Variants in STX16 observed in about 807,000 individuals in gnomAD.
The protein encoded by STX16 is syntaxin 16, also known as syntaxin-16.
STX16 carries 28 observed loss-of-function variants against 42.7 expected under a neutral mutation model. The observed-to-expected ratio is 0.66, with a 90% CI of 0.49 to 0.90. The LOEUF (loss-of-function observed/expected upper bound fraction) is 0.90, where lower values mean the gene tolerates loss of function less well. Ranked by LOEUF, STX16 falls within the 40% of genes least tolerant of loss-of-function variation. The pLI is 0.00. For missense variants in STX16, 361 were observed against 420.9 expected (o/e 0.86, Z 1.24); for synonymous variants, 156 against 155.2 (o/e 1.00, Z -0.04).
In STX16 at chr20:58,677,421, C is replaced by T. The variant is rs1293425561; in HGVS notation, c.*1130C>T. On this transcript the variant is annotated 3_prime_UTR_variant, in exon 9 of 9. Transcript: ENST00000371141. ...TTGCCAAGGACTGGGGGCATCTTGA[C>T]TAGGAAGCTCCTCGTTTGTGTGAGC... 2 of 152,610 alleles carry T rather than the reference C, an allele frequency of 1.3e-5. No homozygotes were observed. The highest frequency in any genetic ancestry group is 1.9e-4 in the East Asian group (1 of 5,196). 9.5% of individuals were successfully genotyped at this position (152,610 alleles called of 1,614,324 possible). A position where few individuals can be genotyped will look rare whatever the true frequency, so the allele number is the denominator to read the frequency against.
intron 2 of STX16, among the ~76,000 whole-genome samples, 190 bp downstream of exon 2, chr20:58,659,824 A>G (rs1228574545): frequency 6.6e-6 from 1 of 152,246 alleles, no homozygotes; most frequent in Non-Finnish European, 1.5e-5. Context: ...ATGTGAACTG[A>G]TGATTTAAAA....
rs1261401568 is a variant in STX16, at chr20:58,671,426, ATGTGTGTGTGGGTGTGTGTGTG to A, written c.792+140_792+161del. 1.6e-4 allele frequency: 78 copies of A among 476,898 alleles called. No homozygotes were observed. The African/African-American group carries it at 2.5e-3, about 15-fold the overall frequency. The allele number at this position is 476,898 out of a possible 1,614,324, so 29.5% of individuals were successfully genotyped here. On this transcript the variant is annotated intron_variant, in intron 7 of 8. Coordinates refer to ENST00000371141, the MANE Select transcript of STX16 (RefSeq NM_001001433.3). ...CAACATGTGTGTGCACCTGTCCTTT[ATGTGTGTGTGGGTGTGTGTGTG>A]TGTGTGTGTGTGTGTGTGTGTGTGT...
rs200994851 is a variant in STX16, at chr20:58,669,314, C to T, written c.417C>T (p.Ala139=). Residue 139 remains alanine, a synonymous_variant, in exon 5 of 9, where the codon GCC becomes GCT. Coordinates refer to ENST00000371141, the MANE Select transcript of STX16 (RefSeq NM_001001433.3). ...ITQLFHRCQR[A]VQALPSRARA... ...AGCTCTTCCACAGGTGCCAGCGTGC[C>T]GTGCAGGCCCTGCCGAGCCGGGCCC... The T allele has an allele frequency of 3.5e-5, 56 of 1,611,526 alleles. No homozygotes were observed. In the Admixed American group the frequency reaches 7.3e-4, roughly 21 times the overall value.
chr20:58,662,595 C>T (rs777389668), intron 2 of STX16, among the ~76,000 whole-genome samples: 4 of 152,234 alleles, frequency 2.6e-5, no homozygotes, highest in Non-Finnish European at 4.4e-5. Flanking sequence ...ACTGCAACCT[C>T]TGCCTCCCCA....
intron 2 of STX16, among the ~76,000 whole-genome samples, chr20:58,665,800 G>A (rs1289686085): frequency 6.6e-6 from 1 of 152,168 alleles, no homozygotes; most frequent in Non-Finnish European, 1.5e-5. Flanking sequence ...TCCTGGACGT[G>A]CTGGGATTAG....
Position 58,671,175 on chromosome 20 carries a change from G to A in STX16, c.670G>A (p.Val224Ile). The A allele has an allele frequency of 6.2e-7, 1 of 1,614,042 alleles. No homozygotes were observed. Among genetic ancestry groups the A allele is most frequent in the Non-Finnish European group, 8.5e-7 (1 of 1,179,948 alleles). The change falls in exon 7 of 9, where the codon GTT becomes ATT. Residue 224 changes from valine to isoleucine, a missense_variant. Transcript: ENST00000371141. ...YHRGFTEDQL[V>I]LVEQNTLMVE... ...CTAGGGTTTTACAGAGGACCAGTTA[G>A]TTCTGGTGGAGCAGAACACACTGAT...
rs2084209239 is a variant in STX16 at position 58,679,099 on chromosome 20, C to T, written c.*2808C>T. On this transcript the variant is annotated 3_prime_UTR_variant, in exon 9 of 9. Transcript: ENST00000371141. ...AACAGACATGTTTACCACGCGTTTTCCAAAGCTCCTGATCTTTCCCAAGAT... is the reference window on the plus strand; with the variant it reads ...AACAGACATGTTTACCACGCGTTTTTCAAAGCTCCTGATCTTTCCCAAGAT... 6.6e-6 allele frequency: 1 copy of T among 152,250 alleles called. No homozygotes were observed. The allele number at this position is 152,250 out of a possible 1,614,324, so 9.4% of individuals were successfully genotyped here.
chr20:58,660,713 CTTTT>C lies in STX16; in HGVS notation c.144+1102_144+1105del, dbSNP rs10706096. Among the ~76,000 whole-genome samples the C allele has an allele frequency of 4.2e-3, 299 of 70,730 alleles. 1 individual carries two copies. The highest frequency in any genetic ancestry group is 0.017 in the African/African-American group (287 of 17,200). 46.4% of individuals were successfully genotyped at this position (70,730 alleles called of 152,430 possible). A position where few individuals can be genotyped will look rare whatever the true frequency, so the allele number is the denominator to read the frequency against. ...AGCATGGATAATATGATTCCTGCTC[CTTTT>C]TTTTTTTTTTTTTTTTTTTTTTCAG... On this transcript the variant is annotated intron_variant, in intron 2 of 8. Coordinates refer to ENST00000371141, the MANE Select transcript of STX16 (RefSeq NM_001001433.3).
At chr20:58,673,558 C>A in intron 7 of STX16, 73 bp from the exon 8 acceptor site, 1 of 996,428 alleles carries the variant, frequency 1.0e-6, no homozygotes, top group Non-Finnish European at 1.6e-6. Context: ...CTGTAATTTG[C>A]ATATCTCATT....
chr20:58,670,191 T>C (rs2083935685), intron 5 of STX16, among the ~76,000 whole-genome samples: 1 of 152,282 alleles, frequency 6.6e-6, no homozygotes, highest in African/African-American at 2.4e-5. Flanking sequence ...TAAAATGTTT[T>C]GTAACAGCAG....
intron 1 of STX16, among the ~76,000 whole-genome samples, chr20:58,655,595 A>G (rs1355240085): frequency 1.3e-5 from 2 of 152,198 alleles, no homozygotes; most frequent in African/African-American, 2.4e-5. Flanking sequence ...GTGTATGACA[A>G]TGATGGAAAA....
chr20:58,676,656 C>A lies in STX16; in HGVS notation c.*365C>A. The stretch of plus-strand genomic sequence containing the variant: ...GTGTATATGCTATTTTTTTAGCAGC[C>A]ATGTCTGAGCAGAATGTTAACATAA... On this transcript the variant is annotated 3_prime_UTR_variant, in exon 9 of 9. Transcript: ENST00000371141. The A allele has an allele frequency of 6.1e-6, 1 of 163,196 alleles. No individual in the cohort carries two copies. The highest frequency in any genetic ancestry group is 1.3e-5 in the Non-Finnish European group (1 of 75,622). The allele number at this position is 163,196 out of a possible 1,614,324, so 10.1% of individuals were successfully genotyped here. A position where few individuals can be genotyped will look rare whatever the true frequency, so the allele number is the denominator to read the frequency against.
At chr20:58,671,052 T>C (rs533121298) in intron 6 of STX16, 102 bp from the exon 7 acceptor site, 191 of 1,185,972 alleles carry the variant, frequency 1.6e-4, no homozygotes, top group Middle Eastern at 1.1e-3. Flanking sequence ...TCATTTTCTT[T>C]AAATTATTTT....
At chr20:58,661,004 G>A (rs1361554768) in intron 2 of STX16, among the ~76,000 whole-genome samples, 1 of 151,768 alleles carries the variant, frequency 6.6e-6, no homozygotes, top group Non-Finnish European at 1.5e-5. Context: ...GCCTGTGTGG[G>A]GGTTTCCTTT....
chr20:58,652,450 T>G (rs899473449), intron 1 of STX16: 1 of 409,636 alleles, frequency 2.4e-6, no homozygotes, highest in Non-Finnish European at 4.6e-6. Context: ...AACGCTAACA[T>G]TGGGAAGCAT....
At position 58,668,037 on chromosome 20, in the gene STX16, C is replaced by T. The variant is rs776528227; in HGVS notation, c.303C>T (p.Ser101=). The change falls in exon 4 of 9, where the codon AGC becomes AGT. Residue 101 remains serine (S), a synonymous_variant. Coordinates refer to ENST00000371141, the MANE Select transcript of STX16 (RefSeq NM_001001433.3). ...RIKQKMKELA[S]LHDKHLNRPT... is the part of the protein sequence containing the mutation. ...AGCAGAAGATGAAAGAATTGGCCAG[C>T]CTTCATGACAAGCATTTAAACAGAC... 6.2e-6 allele frequency: 10 copies of T among 1,614,074 alleles called. No individual in the cohort carries two copies. The East Asian group carries it at 2.0e-4, about 32-fold the overall frequency.
rs1472665424 is a variant in STX16 at position 58,678,019 on chromosome 20, C to A, written c.*1728C>A. 7.2e-5 allele frequency: 11 copies of A among 152,206 alleles called. No homozygotes were observed. Among genetic ancestry groups the A allele is most frequent in the Non-Finnish European group, 1.3e-4 (9 of 68,052 alleles). The allele number at this position is 152,206 out of a possible 1,614,324, so 9.4% of individuals were successfully genotyped here. A position where few individuals can be genotyped will look rare whatever the true frequency, so the allele number is the denominator to read the frequency against. On this transcript the variant is annotated 3_prime_UTR_variant, in exon 9 of 9. Transcript: ENST00000371141. ...AGAAGCCAGCACCTCATCAGTCAGC[C>A]CTGCAATGTGAGACTTCCGTAGCTG... is the stretch of plus-strand genomic sequence containing the variant.
In STX16 at chr20:58,669,337, C is replaced by T. The variant is rs1351056782; in HGVS notation, c.440C>T (p.Ala147Val). 2.5e-6 allele frequency: 4 copies of T among 1,612,092 alleles called. No homozygotes were observed. Among genetic ancestry groups the T allele is most frequent in the South Asian group, 2.2e-5 (2 of 91,018 alleles). ...QRAVQALPSRARACSEQEGRL... is the reference protein window; with the variant it reads ...QRAVQALPSRVRACSEQEGRL... ...GCCGTGCAGGCCCTGCCGAGCCGGGCCCGGGCCTGCTCCGAGCAGGAGGGG... is the reference window on the plus strand; with the variant it reads ...GCCGTGCAGGCCCTGCCGAGCCGGGTCCGGGCCTGCTCCGAGCAGGAGGGG... Residue 147 changes from alanine to valine, a missense_variant, in exon 5 of 9, where the codon GCC (alanine) becomes GTC (valine). By Grantham distance (64) the Ala-to-Val change is moderately conservative. Transcript: ENST00000371141.
chr20:58,669,674 A>G (rs1337285544), intron 5 of STX16, among the ~76,000 whole-genome samples: 1 of 152,194 alleles, frequency 6.6e-6, no homozygotes, highest in African/African-American at 2.4e-5. Context: ...GGAGGGCACC[A>G]AGATAGTTCA....
Sources: gnomAD v4.1 joint callset for allele counts (sites outside exome capture counted in the v4.1 genomes callset) on GRCh38, gnomAD v4.1.1 for gene constraint, MANE v1.5 for transcripts, NCBI Gene and HGNC (gene_info 2026-07-23, HGNC 2026-07-21) for gene names.